The following SLC17A8 variants were observed in gnomAD, a reference collection of about 807,000 sequenced individuals.
SLC17A8 encodes solute carrier family 17 member 8.
SLC17A8 carries 31 observed loss-of-function variants against 58.0 expected under a neutral mutation model. The observed-to-expected ratio is 0.53, with a 90% CI of 0.40 to 0.72. SLC17A8 has a LOEUF of 0.72. Among genes scored for constraint, SLC17A8 ranks in the 30% least tolerant of loss-of-function variants. The pLI is 0.00. For synonymous variants in SLC17A8, 228 were observed against 249.0 expected (o/e 0.92, Z 0.79); for missense variants, 655 against 727.8 (o/e 0.90, Z 1.15).
chr12:100,371,889 G>A lies in SLC17A8; in HGVS notation c.102-8812G>A, dbSNP rs182767629. Among the ~76,000 whole-genome samples the A allele has an allele frequency of 2.6e-5, 4 of 152,220 alleles. No individual in the cohort carries two copies. In the East Asian group the frequency reaches 7.7e-4, roughly 29 times the overall value. On this transcript the variant is annotated intron_variant, in intron 1 of 11. Transcript: ENST00000323346. ...TATTCTGAGTGTCTCAGTCTTCTGAGCGTCTCAGTCTTCTGAGCAGTAAGA... is the reference window on the plus strand; with the variant it reads ...TATTCTGAGTGTCTCAGTCTTCTGAACGTCTCAGTCTTCTGAGCAGTAAGA...
chr12:100,388,230 G>A (rs61941782), intron 2 of SLC17A8, among the ~76,000 whole-genome samples: 17,579 of 151,998 alleles, frequency 0.12, 1,056 homozygotes, highest in South Asian at 0.16. Context: ...TTCCCTGGCC[G>A]TTCTATCTAA....
intron 9 of SLC17A8, among the ~76,000 whole-genome samples, chr12:100,411,259 GCCAGCCTGGCCAACATGGTGAAA>G (rs1318000512): frequency 6.6e-6 from 1 of 152,014 alleles, no homozygotes; most frequent in African/African-American, 2.4e-5. Flanking sequence ...GTCAGGAGTG[GCCAGCCTGGCCAACATGGTGAAA>G]CCAGCCTGGC....
chr12:100,397,320 T>C (rs1952760561), intron 5 of SLC17A8, among the ~76,000 whole-genome samples: 1 of 152,184 alleles, frequency 6.6e-6, no homozygotes, highest in African/African-American at 2.4e-5. Flanking sequence ...ATCTGGAACT[T>C]TCCTTACTTC....
chr12:100,408,651 T>A (rs1350274113), intron 9 of SLC17A8, among the ~76,000 whole-genome samples: 1 of 152,114 alleles, frequency 6.6e-6, no homozygotes, highest in Non-Finnish European at 1.5e-5. Flanking sequence ...TTGGCCAAAA[T>A]TTTTTTTCTT....
rs138307707 is a variant in SLC17A8, at chr12:100,404,104, G to A, written c.1120G>A (p.Ala374Thr). The A allele has an allele frequency of 6.2e-7, 1 of 1,614,112 alleles. No individual in the cohort carries two copies. Among genetic ancestry groups the A allele is most frequent in the South Asian group, 1.1e-5 (1 of 91,076 alleles). ...TIVVPIGGQL[A>T]DYLRSRQILT... ...CGTTGTACCTATTGGAGGACAATTG[G>A]CTGATTATTTAAGAAGCAGACAAAT... Residue 374 changes from alanine to threonine, a missense_variant, in exon 9 of 12, where the codon GCT (alanine) becomes ACT (threonine). Physicochemically the swap from Ala to Thr is moderately conservative, Grantham distance 58 (BLOSUM62 0). Transcript: ENST00000323346.
intron 8 of SLC17A8, among the ~76,000 whole-genome samples, chr12:100,403,477 A>G (rs1211816848): frequency 6.6e-6 from 1 of 152,140 alleles, no homozygotes; most frequent in Non-Finnish European, 1.5e-5. Context: ...TAAAAAAAAA[A>G]AAGAAGAAGA....
intron 10 of SLC17A8, among the ~76,000 whole-genome samples, chr12:100,416,912 C>T (rs1366683432): frequency 6.6e-6 from 1 of 152,144 alleles, no homozygotes; most frequent in Non-Finnish European, 1.5e-5. Flanking sequence ...ACTAAGCTGC[C>T]AGAACTGAGG....
rs1377420426 is a variant in SLC17A8, at chr12:100,391,062, G to A, written c.416G>A (p.Gly139Asp). 1 of 1,613,858 alleles carries A rather than the reference G, an allele frequency of 6.2e-7. No individual in the cohort carries two copies. The highest frequency in any genetic ancestry group is 2.2e-5 in the East Asian group (1 of 44,862). ...VGLIHGSFFW[G>D]YIMTQIPGGF... ...CTTATCCATGGATCTTTTTTCTGGG[G>A]CTATATTATGACACAAATTCCAGGT... Residue 139 changes from glycine to aspartate, a missense_variant, in exon 3 of 12, where the codon GGC (glycine) becomes GAC (aspartate). By Grantham distance (94) the Gly-to-Asp change is moderately conservative. Coordinates refer to ENST00000323346, the MANE Select transcript of SLC17A8 (RefSeq NM_139319.3).
intron 1 of SLC17A8, among the ~76,000 whole-genome samples, chr12:100,361,970 CA>C (rs1952487881): frequency 6.6e-6 from 1 of 151,194 alleles, no homozygotes; most frequent in Admixed American, 6.6e-5. Flanking sequence ...CCAAAAAAAA[CA>C]AAACAAAAAA....
At position 100,421,204 on chromosome 12, in the gene SLC17A8, T is replaced by C. The variant is rs1439506131; in HGVS notation, c.*1045T>C. On this transcript the variant is annotated 3_prime_UTR_variant, in exon 12 of 12. Transcript: ENST00000323346. ...TTTAATAATTTAAGAAGTAGGTTCATGTGTTTTCTTAGGTAAAGTTCTTCT... is the reference window on the plus strand; with the variant it reads ...TTTAATAATTTAAGAAGTAGGTTCACGTGTTTTCTTAGGTAAAGTTCTTCT... 6.6e-6 allele frequency: 1 copy of C among 152,192 alleles called. No individual in the cohort carries two copies. Among genetic ancestry groups the C allele is most frequent in the African/African-American group, 2.4e-5 (1 of 41,466 alleles). 9.4% of individuals were successfully genotyped at this position (152,192 alleles called of 1,614,324 possible). A position where few individuals can be genotyped will look rare whatever the true frequency, so the allele number is the denominator to read the frequency against.
intron 9 of SLC17A8, among the ~76,000 whole-genome samples, chr12:100,412,174 A>T (rs1206478719): frequency 6.6e-6 from 1 of 152,108 alleles, no homozygotes; most frequent in Non-Finnish European, 1.5e-5. Flanking sequence ...ATTGGAACCT[A>T]TTGGGACCGT....
At chr12:100,392,382 T>C (rs1357461803) in intron 3 of SLC17A8, among the ~76,000 whole-genome samples, 3 of 152,162 alleles carry the variant, frequency 2.0e-5, no homozygotes, top group Non-Finnish European at 4.4e-5. Context: ...CTTGTTTCAG[T>C]TACATTTGTA....
In SLC17A8 at chr12:100,393,627, G is replaced by A. The variant is rs771721574; in HGVS notation, c.588+144G>A. The A allele has an allele frequency of 5.5e-4, 355 of 641,086 alleles. 5 individuals carry two copies. Among genetic ancestry groups the A allele is most frequent in the Admixed American group, 1.0e-3 (41 of 40,616 alleles). 39.7% of individuals were successfully genotyped at this position (641,086 alleles called of 1,614,324 possible). A position where few individuals can be genotyped will look rare whatever the true frequency, so the allele number is the denominator to read the frequency against. On this transcript the variant is annotated intron_variant, in intron 4 of 11. Transcript: ENST00000323346. Reference sequence around the variant, plus strand: ...CCTGCTGTTTCCATTCTCTGGTAATGGCTAAAATTGCAAGAATTTTAATTA... The same window carrying A: ...CCTGCTGTTTCCATTCTCTGGTAATAGCTAAAATTGCAAGAATTTTAATTA...
At chr12:100,413,881 G>A (rs113898722) in intron 10 of SLC17A8, among the ~76,000 whole-genome samples, 3 of 152,252 alleles carry the variant, frequency 2.0e-5, no homozygotes, top group African/African-American at 7.2e-5. Context: ...GGAGGTTGAG[G>A]TGAGAGGATG....
intron 9 of SLC17A8, 137 bp from the exon 10 acceptor site, chr12:100,412,633 T>G: frequency 1.7e-6 from 1 of 572,074 alleles, no homozygotes; most frequent in Non-Finnish European, 3.1e-6. Context: ...GAACTTAAAG[T>G]AAAAAAAAAA....
Position 100,418,136 on chromosome 12 carries a change from G to T in SLC17A8, c.1405G>T (p.Gly469Cys), listed in dbSNP as rs747411001. The change falls in exon 11 of 12, where the codon GGT becomes TGT. Residue 469 changes from glycine to cysteine, a missense_variant. Physicochemically the swap from Gly to Cys is radical, Grantham distance 159. Transcript: ENST00000323346. ...TGGAATGGTCTGTCCCCTCATTGTC[G>T]GTGCAATGACCAGGCACAAGGTAAA... ...LSGMVCPLIV[G>C]AMTRHKTREE... is the part of the protein sequence containing the mutation. 1 of 1,613,988 alleles carries T rather than the reference G, an allele frequency of 6.2e-7. No homozygotes were observed. The highest frequency in any genetic ancestry group is 8.5e-7 in the Non-Finnish European group (1 of 1,179,980).
At chr12:100,404,215 A>T (rs1278357740) in intron 9 of SLC17A8, 45 bp downstream of exon 9, 2 of 1,612,350 alleles carry the variant, frequency 1.2e-6, no homozygotes, top group Admixed American at 3.3e-5. Context: ...TTGTAGAATT[A>T]GGGTAAACTG....
chr12:100,418,773 T>A (rs974876123), intron 11 of SLC17A8, among the ~76,000 whole-genome samples: 10 of 140,694 alleles, frequency 7.1e-5, no homozygotes, highest in Admixed American at 7.2e-5. Context: ...ACCATGGGAT[T>A]TTTTTCCCCC....
intron 10 of SLC17A8, among the ~76,000 whole-genome samples, chr12:100,414,386 C>T (rs978542249): frequency 5.9e-5 from 9 of 152,160 alleles, no homozygotes; most frequent in African/African-American, 2.2e-4. Context: ...TAACTTGCAG[C>T]TAAGTAATTT....
Sources: gnomAD v4.1 joint callset for allele counts (sites outside exome capture counted in the v4.1 genomes callset) on GRCh38, gnomAD v4.1.1 for gene constraint, MANE v1.5 for transcripts, NCBI Gene and HGNC (gene_info 2026-07-23, HGNC 2026-07-21) for gene names.